The following SLIT1 variants were observed in gnomAD, a reference collection of about 807,000 sequenced individuals.
SLIT1 encodes slit homolog 1 protein.
Under a neutral mutation model 186.1 loss-of-function variants are expected in SLIT1, and 66 were observed. The observed-to-expected ratio is 0.35, with a 90% CI of 0.29 to 0.44. The LOEUF is 0.44. Among genes scored for constraint, SLIT1 ranks in the 20% least tolerant of loss-of-function variants. The pLI is 1.00. For synonymous variants in SLIT1, 761 were observed against 833.8 expected (o/e 0.91, Z 1.50); for missense variants, 1,638 against 2,037.4 (o/e 0.80, Z 3.77).
chr10:97,141,269 T>C (rs1042383319), intron 4 of SLIT1, among the ~76,000 whole-genome samples: 2 of 152,164 alleles, frequency 1.3e-5, no homozygotes, highest in Non-Finnish European at 2.9e-5. Flanking sequence ...AACATCCACT[T>C]CCACCCCTGG....
intron 4 of SLIT1, among the ~76,000 whole-genome samples, chr10:97,080,377 C>A (rs983651838): frequency 2.6e-5 from 4 of 152,228 alleles, no homozygotes; most frequent in African/African-American, 9.6e-5. Context: ...TCACTAGCAT[C>A]CCCAGCGGGG....
intron 23 of SLIT1, 96 bp downstream of exon 23, chr10:97,034,375 G>A: frequency 4.5e-6 from 4 of 883,696 alleles, no homozygotes; most frequent in Non-Finnish European, 7.7e-6. Flanking sequence ...GCGTCTGCAG[G>A]CGAGGGATCT....
In SLIT1 at chr10:97,164,991, G is replaced by A. The variant is rs11819146; in HGVS notation, c.198-101C>T. 6.0e-3 allele frequency: 5,219 copies of A among 872,938 alleles called. 156 individuals are homozygous for A. The African/African-American group carries it at 0.07, about 12-fold the overall frequency. 54.1% of individuals were successfully genotyped at this position (872,938 alleles called of 1,614,324 possible). A position where few individuals can be genotyped will look rare whatever the true frequency, so the allele number is the denominator to read the frequency against. On this transcript the variant is annotated intron_variant, in intron 1 of 36. Coordinates refer to ENST00000266058, the MANE Select transcript of SLIT1 (RefSeq NM_003061.3). ...CCCTCCCCGCCTGGATCAGCCAGTC[G>A]TCTCATCAGCGGGGCTGGGGGCTTC...
At chr10:97,130,084 G>A (rs562618780) in intron 4 of SLIT1, among the ~76,000 whole-genome samples, 1 of 152,356 alleles carries the variant, frequency 6.6e-6, no homozygotes, top group East Asian at 1.9e-4. Flanking sequence ...CCAAGTTCAG[G>A]GAAAGGGGAG....
Position 97,000,434 on chromosome 10 carries a change from GA to G in SLIT1, c.*677del, listed in dbSNP as rs1848293617. The G allele has an allele frequency of 6.6e-6, 1 of 152,350 alleles. No homozygotes were observed. The highest frequency in any genetic ancestry group is 1.5e-5 in the Non-Finnish European group (1 of 68,146). 9.4% of individuals were successfully genotyped at this position (152,350 alleles called of 1,614,324 possible). A position where few individuals can be genotyped will look rare whatever the true frequency, so the allele number is the denominator to read the frequency against. On this transcript the variant is annotated 3_prime_UTR_variant, in exon 37 of 37. Coordinates refer to ENST00000266058, the MANE Select transcript of SLIT1 (RefSeq NM_003061.3). ...CCTCGCAGCTACAGTAGTCATGCTA[GA>G]ACTTTAGGATTCAGAGGCCTGGTCC...
intron 24 of SLIT1, among the ~76,000 whole-genome samples, chr10:97,031,277 G>C (rs896618031): frequency 5.3e-5 from 8 of 152,192 alleles, no homozygotes; most frequent in Non-Finnish European, 2.9e-5. Flanking sequence ...TCACAGAAGA[G>C]GTTCACAAAT....
At chr10:97,137,295 A>G (rs1291155527) in intron 4 of SLIT1, among the ~76,000 whole-genome samples, 2 of 152,236 alleles carry the variant, frequency 1.3e-5, no homozygotes, top group Non-Finnish European at 2.9e-5. Flanking sequence ...CTTGATATCC[A>G]GACCAAAATT....
At position 97,064,839 on chromosome 10, in the gene SLIT1, C is replaced by A. The variant is rs1344927554; in HGVS notation, c.523G>T (p.Gly175Trp). ...AGCCCCCGCAGAGCACGGAAGGCCC[C>A]TTCCTCAATGCAGCTGATCTGGTTC... ...DKNQISCIEE[G>W]AFRALRGLEV... The change falls in exon 6 of 37, where the codon GGG (glycine) becomes TGG (tryptophan). Residue 175 changes from glycine (G) to tryptophan (W), a missense_variant. Coordinates refer to ENST00000266058, the MANE Select transcript of SLIT1 (RefSeq NM_003061.3). 1 of 1,612,594 alleles carries A rather than the reference C, an allele frequency of 6.2e-7. No homozygotes were observed. The highest frequency in any genetic ancestry group is 1.7e-5 in the Admixed American group (1 of 59,830).
chr10:97,018,382 T>C (rs886190108), intron 28 of SLIT1, among the ~76,000 whole-genome samples: 1 of 152,204 alleles, frequency 6.6e-6, no homozygotes, highest in African/African-American at 2.4e-5. Context: ...TCCCACTGCA[T>C]CTGCGCAAGG....
chr10:97,140,801 A>T (rs528126922), intron 4 of SLIT1, among the ~76,000 whole-genome samples: 1 of 152,314 alleles, frequency 6.6e-6, no homozygotes, highest in East Asian at 1.9e-4. Context: ...TACAAATCAG[A>T]CATCACTTCC....
intron 4 of SLIT1, among the ~76,000 whole-genome samples, chr10:97,095,208 G>A (rs1005856108): frequency 9.8e-5 from 15 of 152,322 alleles, no homozygotes; most frequent in Admixed American, 3.3e-4. Context: ...AGTTGAACCC[G>A]GAAGGTGGAG....
At chr10:97,119,170 C>G (rs897398156) in intron 4 of SLIT1, among the ~76,000 whole-genome samples, 1 of 152,196 alleles carries the variant, frequency 6.6e-6, no homozygotes, top group African/African-American at 2.4e-5. Flanking sequence ...CACCACCCCT[C>G]TTACCTTCCT....
chr10:97,082,303 G>A lies in SLIT1; in HGVS notation c.414-16217C>T, dbSNP rs528081590. Among the ~76,000 whole-genome samples, 7 of 150,696 alleles carry A rather than the reference G, an allele frequency of 4.6e-5. No individual in the cohort carries two copies. The South Asian group carries it at 6.2e-4, about 13-fold the overall frequency. On this transcript the variant is annotated intron_variant, in intron 4 of 36. Transcript: ENST00000266058. The stretch of plus-strand genomic sequence containing the variant: ...CTTGTGTGACACACGATTGTTATTA[G>A]TGGTGGTGGTGGTGGTGATGATAGT...
intron 8 of SLIT1, among the ~76,000 whole-genome samples, chr10:97,062,473 TC>T (rs1235337554): frequency 1.3e-5 from 2 of 152,204 alleles, no homozygotes; most frequent in Non-Finnish European, 2.9e-5. Flanking sequence ...GTCCCTTCAT[TC>T]AGCAAGTATT....
intron 4 of SLIT1, among the ~76,000 whole-genome samples, chr10:97,105,589 C>T (rs533274365): frequency 3.3e-5 from 5 of 152,344 alleles, no homozygotes; most frequent in African/African-American, 7.2e-5. Context: ...TGAACTCACA[C>T]ATGATTTTCT....
chr10:97,028,932 A>G (rs1043270683), intron 25 of SLIT1, among the ~76,000 whole-genome samples: 2 of 152,014 alleles, frequency 1.3e-5, no homozygotes, highest in Non-Finnish European at 2.9e-5. Context: ...AGAGCCCCTT[A>G]CCCCTCCCAC....
chr10:97,052,476 G>A (rs1457285464), intron 13 of SLIT1, among the ~76,000 whole-genome samples: 1 of 152,198 alleles, frequency 6.6e-6, no homozygotes, highest in African/African-American at 2.4e-5. Context: ...ATGGCCAGCA[G>A]CTGAGTCTGG....
At chr10:97,053,708 T>C (rs1848811786) in intron 13 of SLIT1, among the ~76,000 whole-genome samples, 1 of 152,172 alleles carries the variant, frequency 6.6e-6, no homozygotes, top group African/African-American at 2.4e-5. Flanking sequence ...ATTAAAGATG[T>C]AGATGAAGGG....
intron 4 of SLIT1, chr10:97,152,974 T>C (rs1849897666): frequency 6.6e-6 from 1 of 152,248 alleles, no homozygotes. Flanking sequence ...ATGTTGGACA[T>C]ATATGTTATT....
Sources: gnomAD v4.1 joint callset for allele counts (sites outside exome capture counted in the v4.1 genomes callset) on GRCh38, gnomAD v4.1.1 for gene constraint, MANE v1.5 for transcripts, NCBI Gene and HGNC (gene_info 2026-07-23, HGNC 2026-07-21) for gene names.